The following PCDHGA9 variants were observed in gnomAD, a reference collection of about 807,000 sequenced individuals.
PCDHGA9 encodes protocadherin gamma subfamily A, 9.
Under a neutral mutation model 62.5 loss-of-function variants are expected in PCDHGA9, and 37 were observed. The observed-to-expected ratio is 0.59, with a 90% CI of 0.46 to 0.78. PCDHGA9 has a LOEUF of 0.78. Ranked by LOEUF, PCDHGA9 falls within the 30% of genes least tolerant of loss-of-function variation. PCDHGA9 has a pLI of 0.00. For missense variants in PCDHGA9, 1,138 were observed against 1,166.2 expected, an observed-to-expected ratio of 0.98 and a Z score of 0.35; for synonymous variants, 459 against 484.6, an observed-to-expected ratio of 0.95 and a Z score of 0.69.
intron 1 of PCDHGA9, among the ~76,000 whole-genome samples, chr5:141,447,375 T>C (rs1431576261): frequency 6.6e-6 from 1 of 152,030 alleles, no homozygotes; most frequent in African/African-American, 2.4e-5. Context: ...CTGACCCTGG[T>C]GATCTGCCCA....
intron 1 of PCDHGA9, among the ~76,000 whole-genome samples, chr5:141,464,935 T>A (rs1157718693): frequency 6.6e-6 from 1 of 151,882 alleles, no homozygotes; most frequent in African/African-American, 2.4e-5. Flanking sequence ...AGATGTGAGG[T>A]CTCACTATGT....
At chr5:141,459,218 C>T (rs2098963524) in intron 1 of PCDHGA9, among the ~76,000 whole-genome samples, 1 of 152,220 alleles carries the variant, frequency 6.6e-6, no homozygotes, top group South Asian at 2.1e-4. Context: ...TTCTCCAGCT[C>T]CAGGCAACAA....
chr5:141,404,759 T>C lies in PCDHGA9; in HGVS notation c.1807T>C (p.Trp603Arg). 2 of 1,613,632 alleles carry C rather than the reference T, an allele frequency of 1.2e-6. No individual in the cohort carries two copies. The highest frequency in any genetic ancestry group is 1.7e-6 in the Non-Finnish European group (2 of 1,179,984). The change falls in exon 1 of 4, where the codon TGG (tryptophan) becomes CGG (arginine). Residue 603 changes from tryptophan to arginine, a missense_variant. Transcript: ENST00000573521. ...AVDRDSGQNA[W>R]LSYRLFKASE... is the part of the protein sequence containing the mutation. ...GGACAGAGACTCAGGCCAGAATGCT[T>C]GGCTCTCCTACCGCCTATTCAAGGC...
chr5:141,483,509 C>A (rs2099582178), intron 1 of PCDHGA9, among the ~76,000 whole-genome samples: 1 of 147,450 alleles, frequency 6.8e-6, no homozygotes, highest in African/African-American at 2.5e-5. Flanking sequence ...AGGCTGATCC[C>A]CCTAGATCCT....
Position 141,432,267 on chromosome 5 carries a change from C to T in PCDHGA9, c.2424+26891C>T, listed in dbSNP as rs746089276. 4.3e-6 allele frequency: 7 copies of T among 1,614,244 alleles called. No homozygotes were observed. On this transcript the variant is annotated intron_variant, in intron 1 of 3. Transcript: ENST00000573521. The surrounding 1 kb of genome is among the most constrained non-coding windows in gnomAD (Gnocchi z 6.0). ...ACCATCCAAGGGGCAAGCCTATCGT[C>T]CTACGTGTCCATCAACTCCGACACT...
At chr5:141,508,737 C>G (rs919094477) in intron 3 of PCDHGA9, among the ~76,000 whole-genome samples, 2 of 152,010 alleles carry the variant, frequency 1.3e-5, no homozygotes, top group Non-Finnish European at 2.9e-5. Flanking sequence ...CTACACCCCC[C>G]ACCCCGCTCT....
intron 1 of PCDHGA9, among the ~76,000 whole-genome samples, chr5:141,465,505 G>A (rs905617997): frequency 6.6e-6 from 1 of 152,190 alleles, no homozygotes; most frequent in Non-Finnish European, 1.5e-5. Flanking sequence ...CATTGTCGTG[G>A]TCAGGAAGGA....
chr5:141,450,900 C>T (rs907024071), intron 1 of PCDHGA9, among the ~76,000 whole-genome samples: 9 of 151,048 alleles, frequency 6.0e-5, no homozygotes, highest in Non-Finnish European at 1.2e-4. Flanking sequence ...TATCGGCTCA[C>T]TGCAACCGCT....
chr5:141,494,882 C>T lies in PCDHGA9; in HGVS notation c.2483+17C>T, dbSNP rs771484301. On this transcript the variant is annotated intron_variant, in intron 2 of 3. Transcript: ENST00000573521. ...CACCAGCGGGTAGGTGACTGATTCT[C>T]CAGCCCACCCTCTTCTCTGCGGCAT... is the stretch of plus-strand genomic sequence containing the variant. 35 of 1,614,128 alleles carry T rather than the reference C, an allele frequency of 2.2e-5. No homozygotes were observed. The highest frequency in any genetic ancestry group is 3.3e-4 in the Middle Eastern group (2 of 6,060).
intron 1 of PCDHGA9, chr5:141,478,432 G>T (rs1238011675): frequency 6.2e-7 from 1 of 1,613,728 alleles, no homozygotes; most frequent in Admixed American, 1.7e-5. Context: ...GCGACCCGCT[G>T]CTGAAGAAAC....
At position 141,403,864 on chromosome 5, in the gene PCDHGA9, A is replaced by C; in HGVS notation, c.912A>C (p.Ala304=). 1 of 1,613,794 alleles carries C rather than the reference A, an allele frequency of 6.2e-7. No homozygotes were observed. Among genetic ancestry groups the C allele is most frequent in the Non-Finnish European group, 8.5e-7 (1 of 1,179,834 alleles). ...AAAATACTGGGGAAATATCAACAGC[A>C]AAAAGTCTAGATTATGAAGAATGTT... ...LNENTGEIST[A]KSLDYEECSF... Residue 304 remains alanine, a synonymous_variant, in exon 1 of 4, where the codon GCA becomes GCC. Transcript: ENST00000573521.
intron 1 of PCDHGA9, among the ~76,000 whole-genome samples, chr5:141,445,961 G>C (rs944876169): frequency 6.6e-6 from 1 of 152,158 alleles, no homozygotes; most frequent in Non-Finnish European, 1.5e-5. Flanking sequence ...GCTATATGGA[G>C]AATTGATTTA....
rs144804989 is a variant in PCDHGA9 at position 141,489,791 on chromosome 5, C to T, written c.2425-5016C>T. 1.9e-6 allele frequency: 3 copies of T among 1,614,056 alleles called. No individual in the cohort carries two copies. Among genetic ancestry groups the T allele is most frequent in the Admixed American group, 1.7e-5 (1 of 60,010 alleles). Reference sequence around the variant, plus strand: ...AGCCACTTCTCTCTGAATGTGAAGACCCTAAAAGATGGGAAGCCATTCCCA... The same window carrying T: ...AGCCACTTCTCTCTGAATGTGAAGATCCTAAAAGATGGGAAGCCATTCCCA... On this transcript the variant is annotated intron_variant, in intron 1 of 3. Transcript: ENST00000573521. This position sits in a 1 kb window ranked among gnomAD's most constrained non-coding sequence, Gnocchi z 4.5.
chr5:141,415,107 A>C (rs372656276), intron 1 of PCDHGA9: 12 of 1,613,634 alleles, frequency 7.4e-6, no homozygotes, highest in East Asian at 2.2e-5. Context: ...CGCTCAAGCA[A>C]AGCCTCGTAG....
At chr5:141,496,329 C>T (rs1435070517) in intron 2 of PCDHGA9, among the ~76,000 whole-genome samples, 2 of 152,186 alleles carry the variant, frequency 1.3e-5, no homozygotes, top group South Asian at 4.1e-4. Context: ...AGTTAGAAGT[C>T]AGGAGCCTGG....
intron 1 of PCDHGA9, among the ~76,000 whole-genome samples, chr5:141,470,055 G>A (rs1432696943): frequency 1.3e-5 from 2 of 152,192 alleles, no homozygotes; most frequent in Non-Finnish European, 1.5e-5. Context: ...TTTGAACCCC[G>A]GAGGCAGAGA....
At position 141,404,080 on chromosome 5, in the gene PCDHGA9, C is replaced by T. The variant is rs369802030; in HGVS notation, c.1128C>T (p.Ser376=). 6 of 1,613,516 alleles carry T rather than the reference C, an allele frequency of 3.7e-6. No individual in the cohort carries two copies. The highest frequency in any genetic ancestry group is 4.2e-6 in the Non-Finnish European group (5 of 1,179,656). ...TTTTCAATGCTCATGACCGAGACTC[C>T]GGGAAGAATGGTCAAGTTGTCTGTT... ...ILLFNAHDRD[S]GKNGQVVCSI... Residue 376 remains serine, a synonymous_variant, in exon 1 of 4, where the codon TCC becomes TCT. Coordinates refer to ENST00000573521, the MANE Select transcript of PCDHGA9 (RefSeq NM_018921.3).
At chr5:141,408,834 T>G in intron 1 of PCDHGA9, 1 of 1,613,696 alleles carries the variant, frequency 6.2e-7, no homozygotes, top group Non-Finnish European at 8.5e-7. Context: ...CATAGCTTGA[T>G]ATTGACTGCC....
chr5:141,466,358 A>T (rs1210013683), intron 1 of PCDHGA9, among the ~76,000 whole-genome samples: 3 of 152,066 alleles, frequency 2.0e-5, no homozygotes, highest in Non-Finnish European at 4.4e-5. Context: ...GCTAATCTAG[A>T]TGTAATGGTT....
Sources: allele counts gnomAD v4.1 joint callset (sites outside exome capture counted in the v4.1 genomes callset), GRCh38; gene constraint gnomAD v4.1.1; non-coding constraint Gnocchi (gnomAD v3.1); transcripts MANE v1.5; gene names NCBI Gene and HGNC (gene_info 2026-07-23, HGNC 2026-07-21).